AXDND1: variants seen among roughly 807,000 people sequenced by gnomAD.
AXDND1 encodes axonemal dynein light chain domain containing 1, also known as axonemal dynein light chain domain-containing protein 1.
AXDND1 carries 110 observed loss-of-function variants against 137.5 expected under a neutral mutation model. The ratio of observed to expected loss-of-function variants is 0.80; its 90% CI spans 0.69 to 0.94. AXDND1 has a LOEUF of 0.94. Among genes scored for constraint, AXDND1 ranks in the 40% least tolerant of loss-of-function variants. The probability of loss-of-function intolerance (pLI) is 0.00; values close to 1 mark genes in which losing one functional copy is unlikely to be tolerated. For missense variants in AXDND1, 1,191 were observed against 1,169.8 expected (o/e 1.02, Z -0.26); for synonymous variants, 414 against 399.7 (o/e 1.04, Z -0.43).
intron 25 of AXDND1, among the ~76,000 whole-genome samples, chr1:179,549,483 T>C (rs1672986687): frequency 2.6e-5 from 4 of 152,136 alleles, no homozygotes; most frequent in Admixed American, 2.6e-4. Flanking sequence ...GGAGATACCA[T>C]AGGCACTCCC....
intron 25 of AXDND1, among the ~76,000 whole-genome samples, chr1:179,541,736 C>G (rs1041827600): frequency 2.7e-4 from 41 of 151,598 alleles, no homozygotes; most frequent in African/African-American, 9.7e-4. Context: ...ATAATAATTT[C>G]ACACGTGAGA....
intron 18 of AXDND1, among the ~76,000 whole-genome samples, chr1:179,483,692 A>T (rs189011847): frequency 6.6e-6 from 1 of 152,300 alleles, no homozygotes; most frequent in Admixed American, 6.5e-5. Context: ...TCATATGCTC[A>T]ATTTGTTATT....
chr1:179,532,475 T>C (rs1241450901), intron 23 of AXDND1, among the ~76,000 whole-genome samples: 5 of 152,282 alleles, frequency 3.3e-5, no homozygotes, highest in Non-Finnish European at 5.9e-5. Context: ...ATACCTTAGG[T>C]TCAGGGTGAA....
intron 9 of AXDND1, among the ~76,000 whole-genome samples, chr1:179,391,606 A>G (rs1447947178): frequency 6.6e-6 from 1 of 151,882 alleles, no homozygotes; most frequent in Non-Finnish European, 1.5e-5. Flanking sequence ...GCGCAATCTC[A>G]GCTCACTGCC....
At chr1:179,401,642 TG>T (rs1203932695) in intron 11 of AXDND1, among the ~76,000 whole-genome samples, 1 of 152,112 alleles carries the variant, frequency 6.6e-6, no homozygotes, top group Non-Finnish European at 1.5e-5. Flanking sequence ...CCACGTGTTG[TG>T]GGAGGGACTT....
chr1:179,416,973 C>T (rs182972581), intron 12 of AXDND1, among the ~76,000 whole-genome samples: 390 of 152,284 alleles, frequency 2.6e-3, no homozygotes, highest in Non-Finnish European at 3.9e-3. Flanking sequence ...GAACAGTTCT[C>T]CTTTCTCCAC....
Position 179,517,037 on chromosome 1 carries a change from T to A in AXDND1, c.2496+7634T>A, listed in dbSNP as rs1196558599. 3.9e-5 allele frequency among the ~76,000 whole-genome samples: 6 copies of A among 152,178 alleles called. No homozygotes were observed. In the East Asian group the frequency reaches 1.2e-3, roughly 29 times the overall value. Reference sequence around the variant, plus strand: ...ACTCCCAAGAGTATATTTCTTCATATACCCTACCCACCCTTTGTCTTCAGC... The same window carrying A: ...ACTCCCAAGAGTATATTTCTTCATAAACCCTACCCACCCTTTGTCTTCAGC... On this transcript the variant is annotated intron_variant, in intron 21 of 25. Transcript: ENST00000367618.
intron 11 of AXDND1, among the ~76,000 whole-genome samples, chr1:179,409,138 A>T (rs1301958875): frequency 6.6e-6 from 1 of 151,676 alleles, no homozygotes; most frequent in Non-Finnish European, 1.5e-5. Context: ...TTCTTTCATC[A>T]GTGTTTTGTA....
intron 11 of AXDND1, among the ~76,000 whole-genome samples, chr1:179,403,879 C>T (rs1358659626): frequency 2.6e-5 from 4 of 152,046 alleles, no homozygotes; most frequent in Non-Finnish European, 4.4e-5. Context: ...CCCCGGCCTA[C>T]ATCGTGTTTT....
intron 9 of AXDND1, among the ~76,000 whole-genome samples, chr1:179,391,327 G>C (rs1650161922): frequency 6.6e-6 from 1 of 151,716 alleles, no homozygotes; most frequent in African/African-American, 2.4e-5. Flanking sequence ...GGTGATTTCT[G>C]AGATTTTTGG....
At chr1:179,516,644 T>C (rs1159324121) in intron 21 of AXDND1, among the ~76,000 whole-genome samples, 2 of 152,136 alleles carry the variant, frequency 1.3e-5, no homozygotes, top group East Asian at 3.9e-4. Context: ...TCCCATGGGG[T>C]TCTCCCTTGA....
intron 4 of AXDND1, among the ~76,000 whole-genome samples, chr1:179,375,056 G>A (rs12757065): frequency 0.64 from 97,414 of 151,536 alleles, 31,695 homozygotes; most frequent in Middle Eastern, 0.7. Context: ...GTTCTTGAGA[G>A]AATTTGAGTG....
intron 16 of AXDND1, among the ~76,000 whole-genome samples, chr1:179,457,912 T>C (rs1661648283): frequency 6.6e-6 from 1 of 152,236 alleles, no homozygotes; most frequent in Non-Finnish European, 1.5e-5. Context: ...ATAGGATTGT[T>C]GCTAACTGGC....
intron 11 of AXDND1, among the ~76,000 whole-genome samples, chr1:179,409,161 C>T (rs1380774978): frequency 6.6e-6 from 1 of 151,862 alleles, no homozygotes; most frequent in Non-Finnish European, 1.5e-5. Flanking sequence ...TTTTCTTGTA[C>T]ATATTTTTCA....
chr1:179,548,618 T>C (rs1672862873), intron 25 of AXDND1: 1 of 152,192 alleles, frequency 6.6e-6, no homozygotes, highest in African/African-American at 2.4e-5. Context: ...ATAATTCCAA[T>C]AGACTCTCTG....
intron 16 of AXDND1, chr1:179,457,202 C>G (rs1661531684): frequency 1.3e-6 from 1 of 755,488 alleles, no homozygotes. Flanking sequence ...ATCTCATTAC[C>G]ACACAGTCCA....
rs142573751 is a variant in AXDND1, at chr1:179,401,769, CTCTT to C, written c.1109+6569_1109+6572del. On this transcript the variant is annotated intron_variant, in intron 11 of 25. Transcript: ENST00000367618. ...ACCCCTTTTGCTTGGCTTTCATTCT[CTCTT>C]TGCCTGCCGCTATGTAAGAGGGGCC... is the stretch of plus-strand genomic sequence containing the variant. Among the ~76,000 whole-genome samples, 792 of 152,250 alleles carry C rather than the reference CTCTT, an allele frequency of 5.2e-3. 8 individuals carry two copies. Among genetic ancestry groups the C allele is most frequent in the African/African-American group, 0.018 (750 of 41,542 alleles).
intron 11 of AXDND1, among the ~76,000 whole-genome samples, chr1:179,404,224 CTTTT>C (rs71111990): frequency 7.3e-6 from 1 of 136,674 alleles, no homozygotes; most frequent in Non-Finnish European, 1.6e-5. Flanking sequence ...TTTTCTTTGT[CTTTT>C]TTTTTTTTTT....
intron 11 of AXDND1, among the ~76,000 whole-genome samples, chr1:179,410,293 C>T (rs529490845): frequency 3.6e-4 from 55 of 152,262 alleles, no homozygotes; most frequent in Admixed American, 2.0e-3. Flanking sequence ...TGCAGTGGCG[C>T]GATCTCGGCT....
Sources: allele counts gnomAD v4.1 joint callset (sites outside exome capture counted in the v4.1 genomes callset), GRCh38; gene constraint gnomAD v4.1.1; transcripts MANE v1.5; gene names NCBI Gene and HGNC (gene_info 2026-07-23, HGNC 2026-07-21).